Variants in PECR observed in about 807,000 individuals in gnomAD.
PECR encodes 2,4-dienoyl-CoA reductase-related protein.
PECR carries 30 observed loss-of-function variants against 35.3 expected under a neutral mutation model. The ratio of observed to expected loss-of-function variants is 0.85; its 90% CI spans 0.64 to 1.15. The LOEUF is 1.15. Among genes scored for constraint, PECR ranks in the 50% most tolerant of loss-of-function variants. The probability of loss-of-function intolerance (pLI) is 0.00; values close to 1 mark genes in which losing one functional copy is unlikely to be tolerated. For synonymous variants in PECR, 148 were observed against 138.9 expected (o/e 1.07, Z -0.46); for missense variants, 392 against 370.8 (o/e 1.06, Z -0.47).
chr2:216,037,792 G>T (rs1694818341), downstream of PECR, among the ~76,000 whole-genome samples: 1 of 151,972 alleles, frequency 6.6e-6, no homozygotes, highest in Non-Finnish European at 1.5e-5. Context: ...TTAAAATGAG[G>T]GTAAATGACA....
intron 3 of PECR, 127 bp downstream of exon 3, chr2:216,065,185 T>C: frequency 1.3e-6 from 1 of 777,370 alleles, no homozygotes; most frequent in Non-Finnish European, 2.4e-6. Flanking sequence ...CCAATTTACA[T>C]TCCTATGTTG....
intron 1 of PECR, 36 bp downstream of exon 1, chr2:216,081,582 C>G (rs758534646): frequency 1.2e-6 from 2 of 1,613,452 alleles, no homozygotes; most frequent in South Asian, 2.2e-5. Flanking sequence ...CAGGTCACCA[C>G]AGCCACCTCT....
intron 3 of PECR, among the ~76,000 whole-genome samples, chr2:216,063,696 G>C (rs984246980): frequency 6.6e-6 from 1 of 151,810 alleles, no homozygotes; most frequent in Non-Finnish European, 1.5e-5. Context: ...AAAATAATAG[G>C]CCTTGTATTT....
At chr2:216,081,588 C>G in intron 1 of PECR, 30 bp downstream of exon 1, 1 of 1,613,686 alleles carries the variant, frequency 6.2e-7, no homozygotes, top group Non-Finnish European at 8.5e-7. Flanking sequence ...ACCACAGCCA[C>G]CTCTCTGCAC....
At chr2:216,030,099 A>G (rs1460896862) in intron 7 of PECR, among the ~76,000 whole-genome samples, 1 of 152,238 alleles carries the variant, frequency 6.6e-6, no homozygotes, top group African/African-American at 2.4e-5. Context: ...GGTTATAAAG[A>G]AGATTTAGGT....
chr2:216,061,021 A>C (rs2105958348), intron 3 of PECR, among the ~76,000 whole-genome samples: 1 of 151,324 alleles, frequency 6.6e-6, no homozygotes, highest in Non-Finnish European at 1.5e-5. Flanking sequence ...AGCCGGGAGC[A>C]GTGCCTCACA....
downstream of PECR, among the ~76,000 whole-genome samples, chr2:216,034,664 A>G (rs1397812144): frequency 6.6e-6 from 1 of 152,072 alleles, no homozygotes; most frequent in African/African-American, 2.4e-5. Context: ...TCTACAATGG[A>G]ATGAAAAGTG....
At chr2:216,037,401 C>T (rs1483841022), downstream of PECR, among the ~76,000 whole-genome samples, 1 of 152,184 alleles carries the variant, frequency 6.6e-6, no homozygotes, top group Non-Finnish European at 1.5e-5. Context: ...CAGTCATTAA[C>T]ACAGGTCATG....
Position 216,065,455 on chromosome 2 carries a change from GTA to G in PECR, c.279_280del (p.Thr94LeufsTer6). ...ATTGATCTTACCAAAAGTATCTAAG[GTA>G]GATTTGACCAAATTATTCACCTAAA... On this transcript the variant is annotated frameshift_variant, in exon 3 of 8. Coordinates refer to ENST00000265322, the MANE Select transcript of PECR (RefSeq NM_018441.6). LOFTEE classifies it high-confidence loss of function. 5.0e-6 allele frequency: 8 copies of G among 1,606,762 alleles called. No individual in the cohort carries two copies. Among genetic ancestry groups the G allele is most frequent in the Non-Finnish European group, 6.8e-6 (8 of 1,173,246 alleles).
At chr2:216,053,549 T>G (rs1695163577) in intron 4 of PECR, among the ~76,000 whole-genome samples, 1 of 152,098 alleles carries the variant, frequency 6.6e-6, no homozygotes, top group Admixed American at 6.6e-5. Context: ...TGGCCAAATC[T>G]GTTCAGATTT....
At chr2:216,040,479 C>T (rs1396341510) in intron 7 of PECR, among the ~76,000 whole-genome samples, 2 of 152,144 alleles carry the variant, frequency 1.3e-5, no homozygotes, top group Middle Eastern at 3.2e-3. Context: ...GTCTTGAATT[C>T]CTGGGATCAA....
At chr2:216,041,521 T>C (rs887008480) in intron 7 of PECR, among the ~76,000 whole-genome samples, 3 of 152,232 alleles carry the variant, frequency 2.0e-5, no homozygotes, top group Non-Finnish European at 4.4e-5. Context: ...TACTGTGATA[T>C]TGTGAAACAT....
chr2:216,076,391 A>C (rs1287338527), intron 1 of PECR, among the ~76,000 whole-genome samples: 1 of 152,192 alleles, frequency 6.6e-6, no homozygotes, highest in African/African-American at 2.4e-5. Flanking sequence ...TCAAGCAAAG[A>C]TTTTCATGCA....
At chr2:216,064,019 C>G (rs937194757) in intron 3 of PECR, 6 of 152,258 alleles carry the variant, frequency 3.9e-5, no homozygotes, top group African/African-American at 7.2e-5. Flanking sequence ...GCCACCATGC[C>G]CGGCCAGCCT....
chr2:216,046,966 C>T (rs954900310), intron 6 of PECR, among the ~76,000 whole-genome samples: 9 of 152,098 alleles, frequency 5.9e-5, no homozygotes, highest in Admixed American at 5.9e-4. Context: ...ATTCTGTTTT[C>T]GTAAAAAAGT....
intron 7 of PECR, among the ~76,000 whole-genome samples, chr2:216,041,206 A>G (rs576868046): frequency 6.6e-6 from 1 of 152,356 alleles, no homozygotes; most frequent in African/African-American, 2.4e-5. Flanking sequence ...TTACAAAAGA[A>G]AATCATGTCA....
intron 4 of PECR, among the ~76,000 whole-genome samples, chr2:216,054,768 G>A (rs1351554837): frequency 1.3e-5 from 2 of 152,092 alleles, no homozygotes; most frequent in African/African-American, 4.8e-5. Flanking sequence ...TACAGTCATA[G>A]ATGTTGTAAA....
At chr2:216,031,450 AG>A (rs1442040504) in intron 7 of PECR, among the ~76,000 whole-genome samples, 5 of 141,900 alleles carry the variant, frequency 3.5e-5, no homozygotes, top group Non-Finnish European at 7.5e-5. Context: ...AGAAAAAGAA[AG>A]AAAGAGAGAA....
At chr2:216,036,643 G>A (rs1428648238), downstream of PECR, among the ~76,000 whole-genome samples, 2 of 152,220 alleles carry the variant, frequency 1.3e-5, no homozygotes, top group Non-Finnish European at 2.9e-5. Context: ...TCACTTTGCT[G>A]CAATCTGAGA....
Sources: allele counts gnomAD v4.1 joint callset (sites outside exome capture counted in the v4.1 genomes callset), GRCh38; gene constraint gnomAD v4.1.1; transcripts MANE v1.5; gene names NCBI Gene and HGNC (gene_info 2026-07-23, HGNC 2026-07-21).